Variants in UNC5C observed in about 807,000 individuals in gnomAD.
UNC5C encodes netrin receptor UNC5C.
A neutral mutation model predicts 99.8 loss-of-function variants in UNC5C; 47 were observed. The observed-to-expected ratio is 0.47, with a 90% CI of 0.37 to 0.60. UNC5C has a LOEUF of 0.60. UNC5C is among the 20% of genes least tolerant of loss of function. The probability of loss-of-function intolerance (pLI) is 0.00; values close to 1 mark genes in which losing one functional copy is unlikely to be tolerated. For synonymous variants in UNC5C, 487 were observed against 452.2 expected (o/e 1.08, Z -0.98); for missense variants, 1,062 against 1,165.9 (o/e 0.91, Z 1.30).
At chr4:95,540,119 A>G (rs142439311) in intron 1 of UNC5C, among the ~76,000 whole-genome samples, 1 of 152,170 alleles carries the variant, frequency 6.6e-6, no homozygotes, top group Admixed American at 6.6e-5. Context: ...ACTGATTTAA[A>G]TCTAGATTTC....
chr4:95,491,773 G>A (rs1721499600), intron 1 of UNC5C, among the ~76,000 whole-genome samples: 1 of 151,518 alleles, frequency 6.6e-6, no homozygotes, highest in Non-Finnish European at 1.5e-5. Flanking sequence ...TCTGCATTGT[G>A]TTTATTTATT....
At chr4:95,492,339 T>C (rs1023456909) in intron 1 of UNC5C, among the ~76,000 whole-genome samples, 5 of 151,368 alleles carry the variant, frequency 3.3e-5, no homozygotes, top group Non-Finnish European at 7.4e-5. Context: ...AAAATTAGAA[T>C]GTGCTTAGCG....
At position 95,182,903 on chromosome 4, in the gene UNC5C, C is replaced by T. The variant is rs751923896; in HGVS notation, c.2445G>A (p.Val815=). Residue 815 remains valine, a synonymous_variant, in exon 14 of 16, where the codon GTG becomes GTA. Coordinates refer to ENST00000453304, the MANE Select transcript of UNC5C (RefSeq NM_003728.4). ...ACAGACAGGAGCCACTTACCTCTGA[C>T]ACGGTGCAGTTGAGCTGGAAGATCT... The part of the protein sequence containing the change: ...EGQIFQLNCT[V]SEEPTGIDLP... 1.9e-6 allele frequency: 3 copies of T among 1,611,760 alleles called. No individual in the cohort carries two copies. Among genetic ancestry groups the T allele is most frequent in the Admixed American group, 1.7e-5 (1 of 59,976 alleles).
At chr4:95,522,973 TTCA>T (rs10593491) in intron 1 of UNC5C, among the ~76,000 whole-genome samples, 112,419 of 151,838 alleles carry the variant, frequency 0.74, 45,119 homozygotes, top group Non-Finnish European at 0.89. Context: ...TACAGTGTGT[TTCA>T]TCAACACTGA....
chr4:95,215,110 T>C (rs769555034), intron 10 of UNC5C, among the ~76,000 whole-genome samples: 9 of 152,296 alleles, frequency 5.9e-5, no homozygotes, highest in African/African-American at 2.2e-4. Flanking sequence ...CCTGAGAGCA[T>C]AATACAAAAG....
intron 1 of UNC5C, among the ~76,000 whole-genome samples, chr4:95,372,723 T>C (rs892382163): frequency 6.6e-6 from 1 of 152,154 alleles, no homozygotes; most frequent in East Asian, 1.9e-4. Context: ...ATATAGCACT[T>C]ACAGGCAGAA....
intron 3 of UNC5C, among the ~76,000 whole-genome samples, chr4:95,299,541 T>C (rs1741794248): frequency 6.6e-6 from 1 of 152,176 alleles, no homozygotes; most frequent in Non-Finnish European, 1.5e-5. Context: ...ATTCATCTGT[T>C]CTCATGCTGC....
At chr4:95,407,220 A>G (rs1745855082) in intron 1 of UNC5C, among the ~76,000 whole-genome samples, 1 of 152,184 alleles carries the variant, frequency 6.6e-6, no homozygotes, top group Admixed American at 6.5e-5. Flanking sequence ...TATGCAGCAC[A>G]GTATCGATTG....
intron 1 of UNC5C, among the ~76,000 whole-genome samples, chr4:95,541,257 A>G (rs922830101): frequency 1.3e-5 from 2 of 152,172 alleles, no homozygotes; most frequent in Admixed American, 1.3e-4. Flanking sequence ...TGGAGCTCTG[A>G]GTAGCGTGAC....
intron 1 of UNC5C, among the ~76,000 whole-genome samples, chr4:95,456,226 G>A (rs1747423660): frequency 6.6e-6 from 1 of 152,036 alleles, no homozygotes; most frequent in South Asian, 2.1e-4. Flanking sequence ...ATAAAAAAAT[G>A]AAAAGAGAAA....
intron 1 of UNC5C, among the ~76,000 whole-genome samples, chr4:95,534,334 A>G (rs1186241785): frequency 6.6e-6 from 1 of 152,122 alleles, no homozygotes; most frequent in Admixed American, 6.5e-5. Flanking sequence ...TGGGTTATAA[A>G]TATATTGGGT....
chr4:95,298,532 C>A (rs1313521207), intron 3 of UNC5C, among the ~76,000 whole-genome samples: 2 of 152,240 alleles, frequency 1.3e-5, no homozygotes, highest in Middle Eastern at 3.4e-3. Context: ...CAGCCGCTGT[C>A]CCCTCTGCCT....
At chr4:95,547,720 G>A (rs900023824) in intron 1 of UNC5C, among the ~76,000 whole-genome samples, 2 of 152,210 alleles carry the variant, frequency 1.3e-5, no homozygotes, top group East Asian at 3.9e-4. Flanking sequence ...GACCCCGGAG[G>A]GGACAGCCTT....
intron 2 of UNC5C, among the ~76,000 whole-genome samples, chr4:95,317,897 T>G (rs1361786233): frequency 6.6e-6 from 1 of 152,164 alleles, no homozygotes; most frequent in Non-Finnish European, 1.5e-5. Flanking sequence ...TAAGTGATTT[T>G]TTTTCTTGAC....
Position 95,163,336 on chromosome 4 carries a change from C to T in UNC5C, c.*5898G>A, listed in dbSNP as rs1010914728. ...GATTTCTTGCTCTTATATGTCACTC[C>T]GAACAGAGTTGTTTTAACATTGAGA... is the stretch of plus-strand genomic sequence containing the variant. On this transcript the variant is annotated 3_prime_UTR_variant, in exon 16 of 16. Coordinates refer to ENST00000453304, the MANE Select transcript of UNC5C (RefSeq NM_003728.4). The T allele has an allele frequency of 2.6e-5, 4 of 152,168 alleles. No individual in the cohort carries two copies. Among genetic ancestry groups the T allele is most frequent in the South Asian group, 2.1e-4 (1 of 4,832 alleles). 9.4% of individuals were successfully genotyped at this position (152,168 alleles called of 1,614,324 possible).
intron 2 of UNC5C, among the ~76,000 whole-genome samples, chr4:95,321,988 T>G (rs1342919505): frequency 1.3e-5 from 2 of 152,220 alleles, no homozygotes; most frequent in Non-Finnish European, 2.9e-5. Flanking sequence ...ATCAAATAAA[T>G]AATTGATTTA....
intron 1 of UNC5C, among the ~76,000 whole-genome samples, chr4:95,433,532 A>G (rs1316258883): frequency 6.6e-6 from 1 of 152,084 alleles, no homozygotes; most frequent in Non-Finnish European, 1.5e-5. Context: ...TTACTTTACT[A>G]GTTTCATCAT....
intron 2 of UNC5C, among the ~76,000 whole-genome samples, chr4:95,328,380 A>G (rs1698854423): frequency 9.0e-6 from 1 of 111,330 alleles, no homozygotes; most frequent in South Asian, 4.0e-4. Flanking sequence ...CCATGTCCCT[A>G]CAAAGGACAT....
intron 4 of UNC5C, among the ~76,000 whole-genome samples, chr4:95,276,122 G>A (rs1740851410): frequency 6.6e-6 from 1 of 151,706 alleles, no homozygotes; most frequent in Admixed American, 6.6e-5. Context: ...CTTTTTTAAC[G>A]TATCTGCTCC....
Sources: allele counts gnomAD v4.1 joint callset (sites outside exome capture counted in the v4.1 genomes callset), GRCh38; gene constraint gnomAD v4.1.1; transcripts MANE v1.5; gene names NCBI Gene and HGNC (gene_info 2026-07-23, HGNC 2026-07-21).